Variants in RXRA observed in about 807,000 individuals in gnomAD.
The protein encoded by RXRA is retinoic acid receptor RXR-alpha.
In RXRA, 5 loss-of-function variants were observed where a neutral mutation model predicts 44.5. The ratio of observed to expected loss-of-function variants is 0.11; its 90% CI spans 0.06 to 0.24. The LOEUF (loss-of-function observed/expected upper bound fraction) is 0.24, where lower values mean the gene tolerates loss of function less well. Among genes scored for constraint, RXRA ranks in the 10% least tolerant of loss-of-function variants. The pLI is 1.00. For synonymous variants in RXRA, 291 were observed against 271.4 expected (o/e 1.07, Z -0.71); for missense variants, 412 against 646.5 (o/e 0.64, Z 3.93).
At position 134,326,568 on chromosome 9, in the gene RXRA, C is replaced by T. The variant is rs1834913279; in HGVS notation, c.-64C>T. 1.8e-6 allele frequency: 1 copy of T among 555,046 alleles called. No individual in the cohort carries two copies. The highest frequency in any genetic ancestry group is 2.3e-6 in the Non-Finnish European group (1 of 442,304). The allele number at this position is 555,046 out of a possible 1,614,324, so 34.4% of individuals were successfully genotyped here. A position where few individuals can be genotyped will look rare whatever the true frequency, so the allele number is the denominator to read the frequency against. On this transcript the variant is annotated 5_prime_UTR_variant, in exon 1 of 10. Transcript: ENST00000481739. ...CCGCCCGGGCCCGGGCCGGCCGCGCCGGGGGCCGCCGCGCCCGCCGCCCGC... is the reference window on the plus strand; with the variant it reads ...CCGCCCGGGCCCGGGCCGGCCGCGCTGGGGGCCGCCGCGCCCGCCGCCCGC...
intron 1 of RXRA, among the ~76,000 whole-genome samples, chr9:134,328,324 G>A (rs1476251130): frequency 6.6e-6 from 1 of 152,168 alleles, no homozygotes; most frequent in Admixed American, 6.5e-5. Context: ...GCTCCGGGTG[G>A]GACAGGGATA....
intron 1 of RXRA, among the ~76,000 whole-genome samples, chr9:134,396,809 C>T (rs1401931205): frequency 7.2e-5 from 11 of 152,216 alleles, no homozygotes; most frequent in Admixed American, 7.2e-4. Context: ...TGTTTTTCAT[C>T]TAGACAGGTG....
intron 1 of RXRA, among the ~76,000 whole-genome samples, chr9:134,392,261 C>T (rs552322451): frequency 6.7e-5 from 10 of 148,234 alleles, no homozygotes; most frequent in African/African-American, 2.0e-4. Flanking sequence ...GCTTGACTCC[C>T]GCCCTCCCAC....
At chr9:134,423,767 C>A (rs1230413729) in intron 6 of RXRA, 3 of 985,454 alleles carry the variant, frequency 3.0e-6, no homozygotes, top group East Asian at 1.1e-4. Context: ...GGGGCTCCCC[C>A]AGAACCCTCG....
intron 4 of RXRA, among the ~76,000 whole-genome samples, chr9:134,412,811 AG>A: frequency 6.6e-6 from 1 of 152,170 alleles, no homozygotes; most frequent in East Asian, 1.9e-4. Context: ...GCTTCCACCC[AG>A]GGTCGTCGGG....
chr9:134,331,771 G>GACTCAAGT, intron 1 of RXRA, among the ~76,000 whole-genome samples: 1 of 151,940 alleles, frequency 6.6e-6, no homozygotes, highest in South Asian at 2.1e-4. Context: ...CCCGCTGTGG[G>GACTCAAGT]GCCTGCTTTT....
intron 1 of RXRA, among the ~76,000 whole-genome samples, chr9:134,363,082 G>T (rs1413037823): frequency 2.0e-5 from 3 of 152,216 alleles, no homozygotes; most frequent in Non-Finnish European, 4.4e-5. Context: ...TGAGCCTAGG[G>T]CACCAAGTTC....
chr9:134,427,345 G>A (rs1479985470), intron 6 of RXRA, among the ~76,000 whole-genome samples: 1 of 152,086 alleles, frequency 6.6e-6, no homozygotes, highest in Non-Finnish European at 1.5e-5. Flanking sequence ...CCATCGCAAC[G>A]GGCTGCCTGC....
In RXRA at chr9:134,438,203, C is replaced by CCG. The variant is rs1772206080; in HGVS notation, c.*1589_*1590insCG. On this transcript the variant is annotated 3_prime_UTR_variant, in exon 10 of 10. Transcript: ENST00000481739. ...TCCCAGCCGCAGTCTAGGAATGATG[C>CCG]GGGGGGGTGGACGCCTTCTCCATAG... 1 of 152,400 alleles carries CCG rather than the reference C, an allele frequency of 6.6e-6. No homozygotes were observed. Among genetic ancestry groups the CCG allele is most frequent in the African/African-American group, 2.4e-5 (1 of 41,390 alleles). 9.4% of individuals were successfully genotyped at this position (152,400 alleles called of 1,614,324 possible).
chr9:134,376,259 G>A (rs1830555867), intron 1 of RXRA, among the ~76,000 whole-genome samples: 1 of 152,244 alleles, frequency 6.6e-6, no homozygotes, highest in East Asian at 1.9e-4. Flanking sequence ...GTCGCACCTC[G>A]CAGTGCCCAG....
chr9:134,419,608 C>T (rs573019607), intron 5 of RXRA, among the ~76,000 whole-genome samples: 2 of 152,334 alleles, frequency 1.3e-5, no homozygotes, highest in East Asian at 1.9e-4. Context: ...CTGGTTTCTC[C>T]CCAGCGCGGG....
intron 4 of RXRA, among the ~76,000 whole-genome samples, chr9:134,411,908 G>C (rs1032468720): frequency 6.6e-6 from 1 of 152,108 alleles, no homozygotes; most frequent in African/African-American, 2.4e-5. Flanking sequence ...CCTTACTCTT[G>C]GGCAGTAACG....
chr9:134,409,207 CAG>C, intron 4 of RXRA, 88 bp downstream of exon 4: 4 of 1,310,246 alleles, frequency 3.1e-6, no homozygotes, highest in African/African-American at 1.5e-5. Flanking sequence ...AGATGGACAA[CAG>C]GGAGTGAGTG....
chr9:134,332,401 A>G (rs1031546280), intron 1 of RXRA, among the ~76,000 whole-genome samples: 1 of 152,160 alleles, frequency 6.6e-6, no homozygotes, highest in Non-Finnish European at 1.5e-5. Flanking sequence ...CAGCCTTCCC[A>G]GGGTGACCTG....
chr9:134,345,322 G>A (rs1220158712), intron 1 of RXRA, among the ~76,000 whole-genome samples: 2 of 152,242 alleles, frequency 1.3e-5, no homozygotes, highest in Non-Finnish European at 2.9e-5. Flanking sequence ...TGGGAAGGAG[G>A]TGGAAAGTTT....
chr9:134,374,718 C>G (rs951444891), intron 1 of RXRA, among the ~76,000 whole-genome samples: 3 of 152,244 alleles, frequency 2.0e-5, no homozygotes, highest in African/African-American at 7.2e-5. Flanking sequence ...TGGCGACTTC[C>G]TTCTTCAGTT....
intron 1 of RXRA, among the ~76,000 whole-genome samples, chr9:134,371,041 T>TG (rs923341464): frequency 1.3e-5 from 2 of 150,086 alleles, no homozygotes; most frequent in African/African-American, 4.9e-5. Flanking sequence ...GAAGACAGTG[T>TG]GGGGGGCCCT....
chr9:134,379,664 TGGGA>T (rs1830612181), intron 1 of RXRA: 2 of 985,274 alleles, frequency 2.0e-6, no homozygotes, highest in South Asian at 9.4e-5. Flanking sequence ...CCTGCGGTCC[TGGGA>T]GGTAGCAGGA....
intron 1 of RXRA, among the ~76,000 whole-genome samples, chr9:134,370,560 G>T (rs1045637524): frequency 1.3e-5 from 2 of 152,238 alleles, no homozygotes; most frequent in African/African-American, 2.4e-5. Flanking sequence ...TTGGGATTCT[G>T]TAGCTCTGTT....
Sources: gnomAD v4.1 joint callset for allele counts (sites outside exome capture counted in the v4.1 genomes callset) on GRCh38, gnomAD v4.1.1 for gene constraint, MANE v1.5 for transcripts, NCBI Gene and HGNC (gene_info 2026-07-23, HGNC 2026-07-21) for gene names.